The following NUP188 variants were observed in gnomAD, a reference collection of about 807,000 sequenced individuals.
NUP188 encodes the protein nucleoporin 188.
Under a neutral mutation model 223.0 loss-of-function variants are expected in NUP188, and 97 were observed. That is an observed-to-expected ratio of 0.43 (90% CI 0.37 to 0.51). NUP188 has a LOEUF of 0.51. Ranked by LOEUF, NUP188 falls within the 20% of genes least tolerant of loss-of-function variation. The pLI is 0.00. For synonymous variants in NUP188, 869 were observed against 828.0 expected, an observed-to-expected ratio of 1.05 and a Z score of -0.85; for missense variants, 1,947 against 2,175.6, an observed-to-expected ratio of 0.89 and a Z score of 2.09.
intron 19 of NUP188, 43 bp from the exon 20 acceptor site, chr9:128,984,857 G>C: frequency 1.4e-6 from 2 of 1,382,878 alleles, no homozygotes; most frequent in African/African-American, 1.4e-5. Flanking sequence ...TTGAAACCTT[G>C]AAATTTCCCT....
intron 9 of NUP188, 38 bp from the exon 10 acceptor site, chr9:128,969,362 C>A (rs550326172): frequency 1.6e-6 from 2 of 1,276,220 alleles, no homozygotes; most frequent in Admixed American, 1.8e-5. Context: ...AGTTTCAGAA[C>A]GGGATATATA....
At chr9:128,996,185 C>T (rs1471917414) in intron 30 of NUP188, among the ~76,000 whole-genome samples, 6 of 151,298 alleles carry the variant, frequency 4.0e-5, no homozygotes, top group South Asian at 2.1e-4. Flanking sequence ...AGTCTTGCTC[C>T]GTCACCCAGG....
At position 129,005,977 on chromosome 9, in the gene NUP188, A is replaced by T. The variant is rs908685477; in HGVS notation, c.4870-73A>T. The T allele has an allele frequency of 2.0e-6, 3 of 1,535,064 alleles. No homozygotes were observed. In the African/African-American group the frequency reaches 4.1e-5, roughly 21 times the overall value. ...TGATTAAATTTGCTTAGTGCAGGAC[A>T]TGCAAGTAGGAAGCTCTCAGTAAGT... On this transcript the variant is annotated intron_variant, in intron 41 of 43. Transcript: ENST00000372577.
intron 23 of NUP188, 125 bp from the exon 24 acceptor site, chr9:128,987,922 C>G (rs962990608): frequency 8.0e-7 from 1 of 1,247,414 alleles, no homozygotes; most frequent in Non-Finnish European, 1.1e-6. Flanking sequence ...CTAGTTTGGA[C>G]TGGGGCCTCT....
chr9:128,994,434 A>G lies in NUP188; in HGVS notation c.3079A>G (p.Thr1027Ala). The change falls in exon 28 of 44, where the codon ACA becomes GCA. Residue 1027 changes from threonine (T) to alanine (A), a missense_variant. This residue lies in a region of NUP188 where 905 missense variants were observed against 990.6 expected (regional missense o/e 0.91). Transcript: ENST00000372577. ...LFGTLSPPSE[T>A]SEPSILETCA... ...TGGAACCCTTTCTCCTCCCTCTGAA[A>G]CATCAGAGGTAAGCTGTGGCAGAGG... 1 of 1,611,736 alleles carries G rather than the reference A, an allele frequency of 6.2e-7. No individual in the cohort carries two copies. The highest frequency in any genetic ancestry group is 1.1e-5 in the South Asian group (1 of 91,018).
chr9:128,976,257 A>G (rs1274736561), intron 12 of NUP188, among the ~76,000 whole-genome samples: 1 of 152,226 alleles, frequency 6.6e-6, no homozygotes, highest in Admixed American at 6.5e-5. Flanking sequence ...AGTATCCTGA[A>G]AACTAAATCA....
At chr9:128,949,458 G>A (rs551267470) in intron 2 of NUP188, among the ~76,000 whole-genome samples, 6 of 151,226 alleles carry the variant, frequency 4.0e-5, no homozygotes, top group African/African-American at 9.7e-5. Flanking sequence ...TCAGCTTCTC[G>A]AGTAGCTGGG....
rs763365191 is a variant in NUP188 at position 128,981,298 on chromosome 9, A to T, written c.1424A>T (p.Asn475Ile). ...TTCTTGGATAAGATGTCTTTCTACA[A>T]TGAACTTTATAAACACAAGCCTCAT... is the stretch of plus-strand genomic sequence containing the variant. ...YSFLDKMSFY[N>I]ELYKHKPHDV... Residue 475 changes from asparagine to isoleucine, a missense_variant, in exon 15 of 44, where the codon AAT (asparagine) becomes ATT (isoleucine). Transcript: ENST00000372577. The T allele has an allele frequency of 1.2e-6, 2 of 1,614,072 alleles. No individual in the cohort carries two copies. The highest frequency in any genetic ancestry group is 1.7e-6 in the Non-Finnish European group (2 of 1,179,944).
At chr9:128,986,914 AGGCAAGACACGG>A in intron 22 of NUP188, 39 bp downstream of exon 22, 7 of 1,584,102 alleles carry the variant, frequency 4.4e-6, no homozygotes, top group Non-Finnish European at 6.1e-6. Context: ...GTGCTCGCCA[AGGCAAGACACGG>A]GCTTTTGCTG....
chr9:128,949,715 G>C (rs972452692), intron 2 of NUP188, among the ~76,000 whole-genome samples: 5 of 151,584 alleles, frequency 3.3e-5, no homozygotes, highest in Admixed American at 2.0e-4. Flanking sequence ...TGCAACCTCC[G>C]CCTCCCGAGT....
At chr9:128,961,574 ATATCTATC>A (rs376439021) in intron 8 of NUP188, among the ~76,000 whole-genome samples, 3 of 140,304 alleles carry the variant, frequency 2.1e-5, no homozygotes, top group African/African-American at 9.1e-5. Context: ...ATCTATATCT[ATATCTATC>A]TATCTATCTA....
chr9:128,973,218 C>A lies in NUP188; in HGVS notation c.1172C>A (p.Ser391Ter). 6.2e-7 allele frequency: 1 copy of A among 1,613,506 alleles called. No individual in the cohort carries two copies. ...GGACTGCTCTCTTTCGTTCTGACCT[C>A]GTTGGAGCTGCACACCCTGGGCAAT... ...VYGLLSFVLT[S>*]LELHTLGNQQ... is the part of the protein sequence containing the mutation. Residue 391 changes from serine (S) to a stop codon, truncating the protein, a stop_gained, in exon 12 of 44, where the codon TCG becomes TAG. Transcript: ENST00000372577. LOFTEE classifies it high-confidence loss of function.
At chr9:128,982,439 A>G in intron 15 of NUP188, 110 bp from the exon 16 acceptor site, 1 of 1,040,312 alleles carries the variant, frequency 9.6e-7, no homozygotes, top group Non-Finnish European at 1.4e-6. Flanking sequence ...AAAAAAAAAA[A>G]TGTCTGTGAG....
Position 128,968,711 on chromosome 9 carries a change from G to T in NUP188, c.791G>T (p.Arg264Leu). 3 of 1,612,268 alleles carry T rather than the reference G, an allele frequency of 1.9e-6. No homozygotes were observed. The highest frequency in any genetic ancestry group is 2.5e-6 in the Non-Finnish European group (3 of 1,178,354). ...GAGACTATGGATCCTTTTGTAGATCGGATTGGGTAAGTCAGTGAATTGAAC... is the reference window on the plus strand; with the variant it reads ...GAGACTATGGATCCTTTTGTAGATCTGATTGGGTAAGTCAGTGAATTGAAC... ...VDETMDPFVD[R>L]IGYFSALILV... Residue 264 changes from arginine (R) to leucine (L), a missense_variant, in exon 9 of 44, where the codon CGG becomes CTG. Arg to Leu is a moderately radical substitution (Grantham distance 102, BLOSUM62 -2). This residue lies in a region of NUP188 where 817 missense variants were observed against 865.8 expected (regional missense o/e 0.94). Coordinates refer to ENST00000372577, the MANE Select transcript of NUP188 (RefSeq NM_015354.3).
intron 1 of NUP188, 107 bp from the exon 2 acceptor site, chr9:128,949,082 A>T (rs749174538): frequency 4.1e-6 from 3 of 724,156 alleles, no homozygotes; most frequent in Non-Finnish European, 7.2e-6. Context: ...ATCGTTTTGT[A>T]TATTGAGATT....
rs773522287 is a variant in NUP188 at position 128,956,958 on chromosome 9, G to A, written c.253G>A (p.Asp85Asn). Residue 85 changes from aspartate to asparagine, a missense_variant, in exon 5 of 44, where the codon GAT becomes AAT. Asp to Asn is a conservative substitution (Grantham distance 23). Transcript: ENST00000372577. ...TAAAATCTCTGTGTTTCAGGGTCTT[G>A]ATGAAGAACAGAGTGTGCAGTTACT... Reference protein sequence around the residue: ...GLRISKFLGLDEEQSVQLLQC... With the variant: ...GLRISKFLGLNEEQSVQLLQC... 1 of 1,609,612 alleles carries A rather than the reference G, an allele frequency of 6.2e-7. No homozygotes were observed. Among genetic ancestry groups the A allele is most frequent in the East Asian group, 2.2e-5 (1 of 44,762 alleles).
intron 8 of NUP188, among the ~76,000 whole-genome samples, chr9:128,962,068 T>G (rs563008870): frequency 1.3e-5 from 2 of 150,958 alleles, no homozygotes; most frequent in African/African-American, 2.4e-5. Flanking sequence ...CCTGAGTAGG[T>G]GGGATTAAAG....
chr9:128,951,791 ATTTT>A (rs781580322), intron 2 of NUP188, among the ~76,000 whole-genome samples: 3 of 138,308 alleles, frequency 2.2e-5, no homozygotes, highest in African/African-American at 2.7e-5. Flanking sequence ...CTGGAATCTG[ATTTT>A]TTTTTTTTTT....
At chr9:128,967,651 G>A (rs936078068) in intron 8 of NUP188, among the ~76,000 whole-genome samples, 28 of 152,212 alleles carry the variant, frequency 1.8e-4, no homozygotes, top group Admixed American at 1.6e-3. Flanking sequence ...TCAGCCGGGC[G>A]TGGTGGCAGG....
Sources: gnomAD v4.1 joint callset for allele counts (sites outside exome capture counted in the v4.1 genomes callset) on GRCh38, gnomAD v4.1.1 for gene constraint, gnomAD v4.1.1 regional missense constraint, MANE v1.5 for transcripts, NCBI Gene and HGNC (gene_info 2026-07-23, HGNC 2026-07-21) for gene names.